IMMP2L: variants seen among roughly 807,000 people sequenced by gnomAD.
The protein encoded by IMMP2L is inner mitochondrial membrane peptidase subunit 2.
In IMMP2L, 18 loss-of-function variants were observed where a neutral mutation model predicts 19.3. The observed-to-expected ratio is 0.93, with a 90% CI of 0.64 to 1.38. The LOEUF (loss-of-function observed/expected upper bound fraction) is 1.38, where lower values mean the gene tolerates loss of function less well. IMMP2L is among the 40% of genes most tolerant of loss of function. The pLI is 0.00. For synonymous variants in IMMP2L, 76 were observed against 73.0 expected, an observed-to-expected ratio of 1.04 and a Z score of -0.21; for missense variants, 233 against 218.2, an observed-to-expected ratio of 1.07 and a Z score of -0.43.
chr7:110,871,183 A>C (rs188301679), intron 5 of IMMP2L, among the ~76,000 whole-genome samples: 1 of 152,242 alleles, frequency 6.6e-6, no homozygotes, highest in East Asian at 1.9e-4. Context: ...AGGAAAGAAG[A>C]TGGAAGGAGA....
At chr7:111,350,407 T>C (rs2130878994) in intron 3 of IMMP2L, among the ~76,000 whole-genome samples, 1 of 151,874 alleles carries the variant, frequency 6.6e-6, no homozygotes, top group South Asian at 2.1e-4. Context: ...TTAGTGTATA[T>C]TATTATAAAT....
chr7:110,944,232 G>A (rs189797638), intron 4 of IMMP2L, among the ~76,000 whole-genome samples: 15 of 151,970 alleles, frequency 9.9e-5, no homozygotes, highest in African/African-American at 2.4e-4. Flanking sequence ...TGTACTACTC[G>A]TTCTAATATA....
chr7:111,013,150 A>C (rs1037758328), intron 3 of IMMP2L, among the ~76,000 whole-genome samples: 2 of 152,148 alleles, frequency 1.3e-5, no homozygotes, highest in Non-Finnish European at 2.9e-5. Context: ...GTACCTAAGG[A>C]CAGATGAGGC....
At chr7:111,122,759 A>G in intron 3 of IMMP2L, 1 of 1,599,996 alleles carries the variant, frequency 6.3e-7, no homozygotes, top group African/African-American at 1.3e-5. Context: ...ACATTTCTGA[A>G]GAAGAAAGCT....
chr7:111,311,885 G>A (rs1823563034), intron 3 of IMMP2L, among the ~76,000 whole-genome samples: 1 of 152,082 alleles, frequency 6.6e-6, no homozygotes, highest in Non-Finnish European at 1.5e-5. Context: ...GGGACACTCA[G>A]CCTCTGCCAC....
chr7:110,923,307 C>T (rs994571835), intron 4 of IMMP2L, among the ~76,000 whole-genome samples: 20 of 152,036 alleles, frequency 1.3e-4, no homozygotes, highest in Non-Finnish European at 2.2e-4. Context: ...AGAGAAACTC[C>T]GGTAAAAAGC....
At chr7:111,508,093 C>G (rs1845104465) in intron 2 of IMMP2L, among the ~76,000 whole-genome samples, 1 of 152,018 alleles carries the variant, frequency 6.6e-6, no homozygotes, top group African/African-American at 2.4e-5. Flanking sequence ...AATGAATGGG[C>G]CATCCATTCA....
At chr7:111,369,904 G>C (rs572650465) in intron 3 of IMMP2L, among the ~76,000 whole-genome samples, 67 of 151,946 alleles carry the variant, frequency 4.4e-4, no homozygotes, top group African/African-American at 1.5e-3. Context: ...ATTAGTCCTT[G>C]GTCTTAAGCA....
At chr7:111,243,622 T>A (rs1158585874) in intron 3 of IMMP2L, among the ~76,000 whole-genome samples, 1 of 124,706 alleles carries the variant, frequency 8.0e-6, no homozygotes, top group Non-Finnish European at 1.7e-5. Flanking sequence ...CCCACTAATG[T>A]GTCATCTAGC....
At chr7:111,287,853 T>G (rs908964954) in intron 3 of IMMP2L, among the ~76,000 whole-genome samples, 1 of 152,166 alleles carries the variant, frequency 6.6e-6, no homozygotes, top group Non-Finnish European at 1.5e-5. Context: ...GCATGATGGA[T>G]AGTTGGACCA....
chr7:110,950,903 A>G (rs1235000381), intron 4 of IMMP2L, among the ~76,000 whole-genome samples: 1 of 136,022 alleles, frequency 7.4e-6, no homozygotes, highest in Admixed American at 7.1e-5. Flanking sequence ...ATGTATATAT[A>G]TGCCAAATAT....
At chr7:111,037,578 G>A (rs1413394665) in intron 3 of IMMP2L, among the ~76,000 whole-genome samples, 1 of 152,008 alleles carries the variant, frequency 6.6e-6, no homozygotes, top group Admixed American at 6.6e-5. Flanking sequence ...TAATTTCAGG[G>A]TCTTTTATTG....
At chr7:111,076,094 GC>G (rs372885615) in intron 3 of IMMP2L, among the ~76,000 whole-genome samples, 2 of 151,972 alleles carry the variant, frequency 1.3e-5, no homozygotes, top group African/African-American at 4.8e-5. Context: ...TCTTCAAATA[GC>G]CCCCCTCATG....
intron 3 of IMMP2L, among the ~76,000 whole-genome samples, chr7:111,468,531 T>C (rs1468515016): frequency 6.6e-6 from 1 of 152,002 alleles, no homozygotes; most frequent in African/African-American, 2.4e-5. Context: ...GAGAGAGAAC[T>C]ATAAAAGAGA....
intron 3 of IMMP2L, among the ~76,000 whole-genome samples, chr7:111,178,994 C>T (rs529289068): frequency 1.7e-3 from 266 of 152,032 alleles, no homozygotes; most frequent in Non-Finnish European, 2.5e-3. Context: ...CCAGAGCCAT[C>T]GGCAGAATCA....
At chr7:110,978,657 C>T (rs887229220) in intron 3 of IMMP2L, among the ~76,000 whole-genome samples, 1 of 151,886 alleles carries the variant, frequency 6.6e-6, no homozygotes, top group Non-Finnish European at 1.5e-5. Flanking sequence ...CTATTAATTG[C>T]TTAAAAAAAT....
At chr7:110,874,706 A>C (rs1262563709) in intron 5 of IMMP2L, among the ~76,000 whole-genome samples, 2 of 152,116 alleles carry the variant, frequency 1.3e-5, no homozygotes, top group African/African-American at 4.8e-5. Flanking sequence ...TTCTTTATAA[A>C]ATATACTACT....
In IMMP2L at chr7:111,348,214, C is replaced by T. The variant is rs562677819; in HGVS notation, c.239+139024G>A. On this transcript the variant is annotated intron_variant, in intron 3 of 5. Coordinates refer to ENST00000405709, the MANE Select transcript of IMMP2L (RefSeq NM_032549.4). ...ATGATGAGTTGATGGGTGCAGCACA[C>T]CAACATGGCACATGTATACATACGT... Among the ~76,000 whole-genome samples, 50 of 151,594 alleles carry T rather than the reference C, an allele frequency of 3.3e-4. 1 individual carries two copies. The South Asian group carries it at 9.4e-3, about 29-fold the overall frequency.
chr7:111,322,904 T>C (rs573774168), intron 3 of IMMP2L, among the ~76,000 whole-genome samples: 32 of 151,800 alleles, frequency 2.1e-4, no homozygotes, highest in Non-Finnish European at 4.1e-4. Flanking sequence ...CCCAGCTTTG[T>C]TCATAGCATT....
Sources: allele counts gnomAD v4.1 joint callset (sites outside exome capture counted in the v4.1 genomes callset), GRCh38; gene constraint gnomAD v4.1.1; transcripts MANE v1.5; gene names NCBI Gene and HGNC (gene_info 2026-07-23, HGNC 2026-07-21).